The following SETBP1 variants were observed in gnomAD, a reference collection of about 807,000 sequenced individuals.
SETBP1 encodes the protein SET binding protein 1, also known as SET-binding protein.
Under a neutral mutation model 101.0 loss-of-function variants are expected in SETBP1, and 9 were observed. That is an observed-to-expected ratio of 0.09 (90% CI 0.05 to 0.16). The LOEUF is 0.16. Ranked by LOEUF, SETBP1 falls within the 10% of genes least tolerant of loss-of-function variation. The pLI, the probability that SETBP1 is intolerant of heterozygous loss-of-function variation, is 1.00. For synonymous variants in SETBP1, 818 were observed against 788.5 expected (o/e 1.04, Z -0.63); for missense variants, 1,858 against 2,033.8 (o/e 0.91, Z 1.66).
chr18:44,949,477 C>T (rs758881254), intron 3 of SETBP1, among the ~76,000 whole-genome samples: 3 of 152,218 alleles, frequency 2.0e-5, no homozygotes, highest in Non-Finnish European at 4.4e-5. Context: ...GATTTGCCAT[C>T]TTTGGCAGGA....
intron 2 of SETBP1, among the ~76,000 whole-genome samples, chr18:44,738,773 C>CAAAAAA (rs34390519): frequency 1.3e-5 from 1 of 79,782 alleles, no homozygotes; most frequent in Non-Finnish European, 2.4e-5. Context: ...GACTCCATCT[C>CAAAAAA]AAAAAAAAAA....
intron 3 of SETBP1, among the ~76,000 whole-genome samples, chr18:44,946,042 G>T (rs759353295): frequency 6.6e-6 from 1 of 152,192 alleles, no homozygotes; most frequent in South Asian, 2.1e-4. Context: ...CAGATGAAGC[G>T]CATTGTAATG....
chr18:44,790,930 T>A (rs1192829483), intron 2 of SETBP1, among the ~76,000 whole-genome samples: 5 of 152,198 alleles, frequency 3.3e-5, no homozygotes, highest in Non-Finnish European at 7.3e-5. Flanking sequence ...AGTTGTCTAT[T>A]TAAAAAAATT....
At chr18:44,957,087 G>T (rs2071501170) in intron 4 of SETBP1, among the ~76,000 whole-genome samples, 1 of 152,126 alleles carries the variant, frequency 6.6e-6, no homozygotes, top group Non-Finnish European at 1.5e-5. Flanking sequence ...TCTCAGAATT[G>T]GTATAAGCCT....
At chr18:44,938,007 G>A (rs996114588) in intron 3 of SETBP1, among the ~76,000 whole-genome samples, 5 of 152,038 alleles carry the variant, frequency 3.3e-5, no homozygotes, top group African/African-American at 9.7e-5. Flanking sequence ...ATATTGTTTC[G>A]TCCTCAGCAA....
chr18:44,910,847 T>C (rs896425022), intron 3 of SETBP1, among the ~76,000 whole-genome samples: 1 of 152,232 alleles, frequency 6.6e-6, no homozygotes, highest in East Asian at 1.9e-4. Context: ...TCCCTCCATG[T>C]GTTCAAGTGT....
intron 4 of SETBP1, among the ~76,000 whole-genome samples, chr18:44,995,525 G>GC (rs2145307455): frequency 7.4e-6 from 1 of 134,732 alleles, no homozygotes; most frequent in Non-Finnish European, 1.6e-5. Flanking sequence ...ACATGTCCAG[G>GC]CTTTTGTGTG....
chr18:44,986,659 G>A (rs1231920801), intron 4 of SETBP1: 3 of 148,678 alleles, frequency 2.0e-5, no homozygotes, highest in Non-Finnish European at 3.0e-5. Context: ...GTTAAAAACT[G>A]AGGCACAAAC....
chr18:45,028,600 G>T (rs377111329), intron 4 of SETBP1, among the ~76,000 whole-genome samples: 4 of 152,120 alleles, frequency 2.6e-5, no homozygotes, highest in African/African-American at 7.2e-5. Flanking sequence ...ACTTCCACAA[G>T]GGCTGAACTA....
chr18:44,868,381 T>G (rs2069175286), intron 2 of SETBP1, among the ~76,000 whole-genome samples: 3 of 152,232 alleles, frequency 2.0e-5, no homozygotes, highest in Non-Finnish European at 4.4e-5. Flanking sequence ...AGCTGATTTT[T>G]TTTTTGTTTG....
At position 44,950,446 on chromosome 18, in the gene SETBP1, G is replaced by A. The variant is rs995193373; in HGVS notation, c.1106G>A (p.Arg369Lys). The change falls in exon 4 of 6, where the codon AGG becomes AAG. Residue 369 changes from arginine (R) to lysine (K), a missense_variant. This residue lies in a region of SETBP1 where 581 missense variants were observed against 535.1 expected (regional missense o/e 1.09). Coordinates refer to ENST00000649279, the MANE Select transcript of SETBP1 (RefSeq NM_015559.3). ...QKAFDNTEGK[R>K]EGYSADSAQE... ...GCATTTGACAATACAGAAGGGAAAA[G>A]GGAAGGTTATTCCGCAGATAGTGCC... 2 of 1,614,152 alleles carry A rather than the reference G, an allele frequency of 1.2e-6. No homozygotes were observed. Among genetic ancestry groups the A allele is most frequent in the African/African-American group, 1.3e-5 (1 of 75,062 alleles).
intron 4 of SETBP1, among the ~76,000 whole-genome samples, chr18:45,001,006 T>C (rs1233351175): frequency 2.0e-5 from 3 of 152,204 alleles, no homozygotes; most frequent in Non-Finnish European, 2.9e-5. Context: ...AATAGAATGA[T>C]TCCTTAGTAT....
chr18:44,701,146 C>A, intron 1 of SETBP1, 29 bp from the exon 2 acceptor site: 1 of 472,944 alleles, frequency 2.1e-6, no homozygotes, highest in Non-Finnish European at 3.6e-6. Flanking sequence ...TTCCTTTCTG[C>A]CATGCCTAAC....
intron 4 of SETBP1, among the ~76,000 whole-genome samples, chr18:45,030,007 T>G (rs894384788): frequency 2.7e-5 from 4 of 146,736 alleles, no homozygotes; most frequent in African/African-American, 1.0e-4. Flanking sequence ...TTTATTTCCT[T>G]CTCCTGCCTG....
chr18:45,052,535 C>A (rs1342334596), intron 5 of SETBP1, among the ~76,000 whole-genome samples: 4 of 152,086 alleles, frequency 2.6e-5, no homozygotes, highest in Non-Finnish European at 5.9e-5. Context: ...GAGAAAAATG[C>A]AAGACTTTTT....
chr18:44,720,947 A>G (rs1468893579), intron 2 of SETBP1, among the ~76,000 whole-genome samples: 2 of 137,336 alleles, frequency 1.5e-5, no homozygotes, highest in African/African-American at 5.3e-5. Context: ...GAATGAAGGA[A>G]TGTGCAGAGA....
intron 5 of SETBP1, among the ~76,000 whole-genome samples, chr18:45,060,649 T>C (rs1203756339): frequency 3.9e-5 from 6 of 152,240 alleles, no homozygotes; most frequent in Non-Finnish European, 2.9e-5. Flanking sequence ...TCAGAATTAA[T>C]TTTTATTTCA....
intron 4 of SETBP1, among the ~76,000 whole-genome samples, chr18:45,024,478 GAC>G (rs1370731728): frequency 6.6e-6 from 1 of 152,140 alleles, no homozygotes; most frequent in African/African-American, 2.4e-5. Context: ...CCTCCCCAAT[GAC>G]AGTTTCCTTT....
intron 4 of SETBP1, among the ~76,000 whole-genome samples, chr18:45,028,704 T>G (rs2073224679): frequency 6.6e-6 from 1 of 152,260 alleles, no homozygotes; most frequent in Non-Finnish European, 1.5e-5. Context: ...ATTGCCATTC[T>G]AACTGTTGTG....
Sources: gnomAD v4.1 joint callset for allele counts (sites outside exome capture counted in the v4.1 genomes callset) on GRCh38, gnomAD v4.1.1 for gene constraint, gnomAD v4.1.1 regional missense constraint, MANE v1.5 for transcripts, NCBI Gene and HGNC (gene_info 2026-07-23, HGNC 2026-07-21) for gene names.